Variants in NRXN3 observed in about 807,000 individuals in gnomAD.
NRXN3 encodes the protein neurexin III.
A neutral mutation model predicts 137.6 loss-of-function variants in NRXN3; 32 were observed. The observed-to-expected ratio is 0.23, with a 90% confidence interval of 0.18 to 0.31. The LOEUF (loss-of-function observed/expected upper bound fraction) is 0.31, where lower values mean the gene tolerates loss of function less well. Ranked by LOEUF, NRXN3 falls within the 10% of genes least tolerant of loss-of-function variation. NRXN3 has a pLI of 1.00. For synonymous variants in NRXN3, 798 were observed against 784.5 expected, an observed-to-expected ratio of 1.02 and a Z score of -0.29; for missense variants, 1,574 against 2,062.5, an observed-to-expected ratio of 0.76 and a Z score of 4.59.
chr14:79,238,520 C>T (rs1018300523), intron 15 of NRXN3, among the ~76,000 whole-genome samples: 1 of 151,950 alleles, frequency 6.6e-6, no homozygotes, highest in South Asian at 2.1e-4. Flanking sequence ...TTGTACGTTC[C>T]AAGGTCAAGC....
At chr14:79,078,759 A>G (rs1382591559) in intron 15 of NRXN3, among the ~76,000 whole-genome samples, 1 of 152,178 alleles carries the variant, frequency 6.6e-6, no homozygotes, top group Non-Finnish European at 1.5e-5. Flanking sequence ...TTCTGGGAAT[A>G]GTTAGAAGTA....
chr14:79,261,360 A>G (rs1018205893), intron 15 of NRXN3, among the ~76,000 whole-genome samples: 4 of 152,174 alleles, frequency 2.6e-5, no homozygotes, highest in African/African-American at 9.7e-5. Context: ...GGAAGGAGAA[A>G]GGGACATATG....
chr14:79,273,162 ACT>A (rs1415231017), intron 15 of NRXN3, among the ~76,000 whole-genome samples: 1 of 114,566 alleles, frequency 8.7e-6, no homozygotes, highest in Admixed American at 1.2e-4. Flanking sequence ...GCAATGCAAG[ACT>A]CTGTGGCCAA....
chr14:79,862,009 T>C lies in NRXN3; in HGVS notation c.*45T>C, dbSNP rs1240358726. ...ACGCGAGTTTTCACAGTTATTTCTA[T>C]CCACGCCTATGAATCTTTGGACGGT... On this transcript the variant is annotated 3_prime_UTR_variant, in exon 21 of 21. Coordinates refer to ENST00000335750, the MANE Select transcript of NRXN3 (RefSeq NM_001330195.2). 2 of 1,444,110 alleles carry C rather than the reference T, an allele frequency of 1.4e-6. No individual in the cohort carries two copies. Among genetic ancestry groups the C allele is most frequent in the South Asian group, 1.3e-5 (1 of 76,128 alleles). 89.5% of individuals were successfully genotyped at this position (1,444,110 alleles called of 1,614,324 possible).
At chr14:79,396,894 C>T (rs756373843) in intron 15 of NRXN3, among the ~76,000 whole-genome samples, 10 of 152,066 alleles carry the variant, frequency 6.6e-5, no homozygotes, top group African/African-American at 1.4e-4. Context: ...TTGGTCAATG[C>T]GCTACTTATT....
chr14:79,380,151 T>C (rs2094426230), intron 15 of NRXN3, among the ~76,000 whole-genome samples: 2 of 136,504 alleles, frequency 1.5e-5, no homozygotes, highest in African/African-American at 2.8e-5. Context: ...TACTTCTTCT[T>C]TTTTTTTTTT....
intron 1 of NRXN3, among the ~76,000 whole-genome samples, chr14:78,225,979 GTGT>G (rs1567013391): frequency 3.4e-4 from 28 of 81,580 alleles, no homozygotes; most frequent in African/African-American, 1.3e-3. Context: ...GTGTTGGTGT[GTGT>G]GTGTGTGTGT....
intron 17 of NRXN3, among the ~76,000 whole-genome samples, chr14:79,686,888 C>T (rs1278050212): frequency 6.6e-6 from 1 of 152,172 alleles, no homozygotes; most frequent in Non-Finnish European, 1.5e-5. Flanking sequence ...TGAGCTTTAT[C>T]AGCCAACTTG....
chr14:78,229,704 A>G (rs998411341), intron 1 of NRXN3, among the ~76,000 whole-genome samples: 5 of 152,144 alleles, frequency 3.3e-5, no homozygotes, highest in Non-Finnish European at 7.3e-5. Context: ...CCATCGTTCT[A>G]AGCTCTGCAG....
chr14:79,744,386 C>T (rs2098972527), intron 19 of NRXN3, among the ~76,000 whole-genome samples: 1 of 150,340 alleles, frequency 6.7e-6, no homozygotes, highest in Non-Finnish European at 1.5e-5. Context: ...TCATTCTCTT[C>T]TTCACCTTTC....
intron 15 of NRXN3, chr14:79,280,485 A>G (rs749953463): frequency 6.2e-7 from 1 of 1,613,700 alleles, no homozygotes; most frequent in Non-Finnish European, 8.5e-7. Flanking sequence ...AGCAAGCATC[A>G]CTCAGTGCCT....
intron 15 of NRXN3, among the ~76,000 whole-genome samples, chr14:79,375,293 C>T (rs367647224): frequency 6.6e-6 from 1 of 150,840 alleles, no homozygotes. Flanking sequence ...GCTCCCACCC[C>T]CTCCCACACA....
chr14:78,615,139 CA>C, intron 4 of NRXN3: 1 of 455,736 alleles, frequency 2.2e-6, no homozygotes, highest in South Asian at 1.6e-5. Flanking sequence ...GTCATATTAC[CA>C]TGATAATAAC....
chr14:79,218,386 T>G (rs2068914416), intron 15 of NRXN3, among the ~76,000 whole-genome samples: 1 of 152,198 alleles, frequency 6.6e-6, no homozygotes, highest in Non-Finnish European at 1.5e-5. Flanking sequence ...AAAATGATTA[T>G]AGGAATTAAA....
chr14:78,967,127 A>G, intron 12 of NRXN3, 81 bp from the exon 13 acceptor site: 3 of 1,204,034 alleles, frequency 2.5e-6, no homozygotes, highest in Non-Finnish European at 2.3e-6. Context: ...TTTGAAGCCC[A>G]CTATGTCAGT....
chr14:78,880,589 T>C (rs903576669), intron 10 of NRXN3, among the ~76,000 whole-genome samples: 1 of 152,098 alleles, frequency 6.6e-6, no homozygotes, highest in African/African-American at 2.4e-5. Context: ...TCCAGAAAGA[T>C]GGGCTTCCTA....
At chr14:79,439,203 T>C (rs948461249) in intron 15 of NRXN3, among the ~76,000 whole-genome samples, 1 of 152,254 alleles carries the variant, frequency 6.6e-6, no homozygotes, top group Non-Finnish European at 1.5e-5. Context: ...TATACGTATG[T>C]GTGATGAAAT....
chr14:79,149,909 A>G (rs902376869), intron 15 of NRXN3, among the ~76,000 whole-genome samples: 2 of 152,016 alleles, frequency 1.3e-5, no homozygotes, highest in Non-Finnish European at 2.9e-5. Flanking sequence ...TGCTGGGCTT[A>G]ATACCTAGGT....
Position 78,211,011 on chromosome 14 carries a change from G to C in NRXN3, c.-703-31380G>C, listed in dbSNP as rs141725070. Among the ~76,000 whole-genome samples the C allele has an allele frequency of 3.3e-3, 502 of 152,162 alleles. 2 individuals are homozygous for C. The highest frequency in any genetic ancestry group is 0.012 in the African/African-American group (490 of 41,506). On this transcript the variant is annotated intron_variant, in intron 1 of 20. Transcript: ENST00000335750. ...CCTCCAGCCTCTCATCTGTTAAATG[G>C]GGTAATGATCATACCTACCTTATAG...
Sources: gnomAD v4.1 joint callset for allele counts (sites outside exome capture counted in the v4.1 genomes callset) on GRCh38, gnomAD v4.1.1 for gene constraint, MANE v1.5 for transcripts, NCBI Gene and HGNC (gene_info 2026-07-23, HGNC 2026-07-21) for gene names.